The following WDR41 variants were observed in gnomAD, a reference collection of about 807,000 sequenced individuals.
WDR41 encodes WD repeat domain 41, also known as WD repeat-containing protein 41.
Under a neutral mutation model 69.3 loss-of-function variants are expected in WDR41, and 63 were observed. The observed-to-expected ratio is 0.91, with a 90% CI of 0.74 to 1.12. The LOEUF (loss-of-function observed/expected upper bound fraction) is 1.12, where lower values mean the gene tolerates loss of function less well. WDR41 is among the 50% of genes most tolerant of loss of function. The pLI, the probability that WDR41 is intolerant of heterozygous loss-of-function variation, is 0.00. For missense variants in WDR41, 543 were observed against 534.5 expected, an observed-to-expected ratio of 1.02 and a Z score of -0.16; for synonymous variants, 185 against 192.1, an observed-to-expected ratio of 0.96 and a Z score of 0.31.
chr5:77,530,341 T>C (rs1166501017), intron 1 of WDR41, among the ~76,000 whole-genome samples: 1 of 151,638 alleles, frequency 6.6e-6, no homozygotes, highest in East Asian at 1.9e-4. Flanking sequence ...TGCATCTTTA[T>C]TAATAAGAGC....
In WDR41 at chr5:77,612,277, T is replaced by C. The variant is rs201963476; in HGVS notation, c.42+8202A>G. On this transcript the variant is annotated intron_variant, in intron 1 of 5. Coordinates refer to the WDR41 transcript ENST00000509971. ...AATCAATAGAAAAAGAGGGAATCCT[T>C]CCTAACTAATTTTATGAGGCCAGCG... Among the ~76,000 whole-genome samples, 8 of 152,206 alleles carry C rather than the reference T, an allele frequency of 5.3e-5. No homozygotes were observed. The East Asian group carries it at 1.4e-3, about 26-fold the overall frequency.
At chr5:77,466,250 C>G (rs2151328112) in intron 2 of WDR41, among the ~76,000 whole-genome samples, 1 of 151,878 alleles carries the variant, frequency 6.6e-6, no homozygotes, top group Middle Eastern at 3.4e-3. Flanking sequence ...AGAAAATGAT[C>G]ATTTTTAAAA....
chr5:77,510,017 C>G (rs1003983945), intron 1 of WDR41, among the ~76,000 whole-genome samples: 3 of 152,272 alleles, frequency 2.0e-5, no homozygotes, highest in South Asian at 2.1e-4. Context: ...TCCCCTCCCC[C>G]TTTCCTAAAC....
intron 1 of WDR41, among the ~76,000 whole-genome samples, chr5:77,557,353 C>T (rs910676797): frequency 8.6e-5 from 13 of 152,034 alleles, no homozygotes; most frequent in African/African-American, 3.1e-4. Flanking sequence ...AATGAGCCCC[C>T]AAAATTGTAC....
intron 1 of WDR41, among the ~76,000 whole-genome samples, chr5:77,529,931 T>C (rs953160124): frequency 2.0e-5 from 3 of 151,714 alleles, no homozygotes; most frequent in African/African-American, 4.8e-5. Context: ...GTTGGCAGCA[T>C]GGGATAATAT....
chr5:77,462,875 T>C (rs1301663374), intron 4 of WDR41, among the ~76,000 whole-genome samples: 1 of 152,168 alleles, frequency 6.6e-6, no homozygotes, highest in Non-Finnish European at 1.5e-5. Flanking sequence ...AGAACAGCAA[T>C]AGTCACGGAG....
Position 77,459,073 on chromosome 5 carries a change from A to C in WDR41, c.400T>G (p.Ser134Ala), listed in dbSNP as rs1223724975. ...RQVQRISCFQ[S>A]TVKCLTVLQR... is the part of the protein sequence containing the mutation. ...ACTTAAGATTTTACCTTTACAGTAG[A>C]CTGGAAGCATGATATTCTCTGAACT... The change falls in exon 5 of 13, where the codon TCT becomes GCT. Residue 134 changes from serine to alanine, a missense_variant. Ser to Ala is a moderately conservative substitution (Grantham distance 99). Transcript: ENST00000296679. The C allele has an allele frequency of 6.2e-7, 1 of 1,600,658 alleles. No homozygotes were observed. The highest frequency in any genetic ancestry group is 1.1e-5 in the South Asian group (1 of 89,228).
chr5:77,535,183 T>C (rs73126013), intron 1 of WDR41, among the ~76,000 whole-genome samples: 15,396 of 152,122 alleles, frequency 0.1, 1,687 homozygotes, highest in African/African-American at 0.25. Flanking sequence ...TTTCCTATCC[T>C]AAATTGCCCC....
intron 1 of WDR41, chr5:77,545,911 GA>G: frequency 1.9e-6 from 1 of 526,636 alleles, no homozygotes; most frequent in Non-Finnish European, 3.3e-6. Flanking sequence ...AACAAGATTG[GA>G]AAGCCCCATG....
intron 1 of WDR41, among the ~76,000 whole-genome samples, chr5:77,549,914 A>C (rs1214422388): frequency 1.3e-5 from 2 of 152,336 alleles, no homozygotes; most frequent in African/African-American, 4.8e-5. Context: ...CCAATGAAAC[A>C]GAATAGAAAA....
intron 1 of WDR41, among the ~76,000 whole-genome samples, chr5:77,554,683 T>C (rs554223161): frequency 6.6e-6 from 1 of 151,606 alleles, no homozygotes; most frequent in Non-Finnish European, 1.5e-5. Context: ...TGTTTATGAG[T>C]TTATAGTATT....
chr5:77,517,964 T>G (rs1463793143), intron 1 of WDR41, among the ~76,000 whole-genome samples: 1 of 152,142 alleles, frequency 6.6e-6, no homozygotes, highest in Non-Finnish European at 1.5e-5. Context: ...TCTTTTTTCT[T>G]AACAATATTC....
At chr5:77,475,251 C>T (rs944586943) in intron 2 of WDR41, among the ~76,000 whole-genome samples, 1 of 152,232 alleles carries the variant, frequency 6.6e-6, no homozygotes. Flanking sequence ...GGGGCGCCCG[C>T]CATTGCCCAG....
intron 1 of WDR41, among the ~76,000 whole-genome samples, chr5:77,598,094 T>C (rs575726814): frequency 1.3e-5 from 2 of 152,304 alleles, no homozygotes; most frequent in Non-Finnish European, 1.5e-5. Context: ...TAAAGGAAAC[T>C]ACATTTGTGA....
chr5:77,525,872 A>G (rs1351640422), intron 1 of WDR41, among the ~76,000 whole-genome samples: 1 of 152,206 alleles, frequency 6.6e-6, no homozygotes, highest in African/African-American at 2.4e-5. Context: ...AGTGGAGCTC[A>G]TTAGTGGCAG....
At chr5:77,502,449 A>G (rs1802033273) in intron 1 of WDR41, among the ~76,000 whole-genome samples, 1 of 152,200 alleles carries the variant, frequency 6.6e-6, no homozygotes, top group Non-Finnish European at 1.5e-5. Flanking sequence ...AACACTCTTC[A>G]GGATATTATC....
intron 1 of WDR41, among the ~76,000 whole-genome samples, chr5:77,571,372 G>GA (rs1218444006): frequency 2.0e-5 from 3 of 151,864 alleles, no homozygotes; most frequent in Middle Eastern, 3.2e-3. Flanking sequence ...TGGCGGGAGG[G>GA]AAAAAAATCC....
At chr5:77,516,151 G>T (rs11750134) in intron 1 of WDR41, among the ~76,000 whole-genome samples, 111 of 152,020 alleles carry the variant, frequency 7.3e-4, no homozygotes, top group Non-Finnish European at 1.5e-3. Context: ...TTCTCTATCT[G>T]TTTTGGGTAT....
chr5:77,532,916 A>G (rs1034297018), intron 1 of WDR41, among the ~76,000 whole-genome samples: 5 of 152,040 alleles, frequency 3.3e-5, no homozygotes, highest in Admixed American at 1.3e-4. Flanking sequence ...GATGCTAGCA[A>G]TGTTCTATTT....
Sources: allele counts gnomAD v4.1 joint callset (sites outside exome capture counted in the v4.1 genomes callset), GRCh38; gene constraint gnomAD v4.1.1; transcripts MANE v1.5; gene names NCBI Gene and HGNC (gene_info 2026-07-23, HGNC 2026-07-21).